NRXN3: variants seen among roughly 807,000 people sequenced by gnomAD.
NRXN3 encodes the protein neurexin III.
NRXN3 carries 32 observed loss-of-function variants against 137.6 expected under a neutral mutation model. The observed-to-expected ratio is 0.23, with a 90% CI of 0.18 to 0.31. The LOEUF (loss-of-function observed/expected upper bound fraction) is 0.31. NRXN3 is among the 10% of genes least tolerant of loss of function. The pLI, the probability that NRXN3 is intolerant of heterozygous loss-of-function variation, is 1.00. For missense variants in NRXN3, 1,574 were observed against 2,062.5 expected (o/e 0.76, Z 4.59); for synonymous variants, 798 against 784.5 (o/e 1.02, Z -0.29).
At chr14:79,662,376 A>G (rs1172363850) in intron 16 of NRXN3, among the ~76,000 whole-genome samples, 1 of 152,180 alleles carries the variant, frequency 6.6e-6, no homozygotes, top group Non-Finnish European at 1.5e-5. Context: ...ATATTTGAAT[A>G]GTAAGGTTAC....
At chr14:79,399,585 AAAT>A (rs1251016254) in intron 15 of NRXN3, among the ~76,000 whole-genome samples, 1 of 152,156 alleles carries the variant, frequency 6.6e-6, no homozygotes, top group African/African-American at 2.4e-5. Context: ...TGAGGAGAAA[AAAT>A]AATAATATAA....
At position 78,968,397 on chromosome 14, in the gene NRXN3, G is replaced by A. The variant is rs767204234; in HGVS notation, c.3142+51G>A. 25 of 1,564,776 alleles carry A rather than the reference G, an allele frequency of 1.6e-5. No homozygotes were observed. The East Asian group carries it at 5.4e-4, about 34-fold the overall frequency. On this transcript the variant is annotated intron_variant, in intron 14 of 20. Transcript: ENST00000335750. ...GCTACAGCCTTGTTGCAAGCACCAAGCCTCTTTGCTGCCTCTGCCACTGCC... is the reference window on the plus strand; with the variant it reads ...GCTACAGCCTTGTTGCAAGCACCAAACCTCTTTGCTGCCTCTGCCACTGCC...
chr14:79,647,665 T>G (rs2153967604), intron 16 of NRXN3, among the ~76,000 whole-genome samples: 1 of 135,908 alleles, frequency 7.4e-6, no homozygotes, highest in Non-Finnish European at 1.7e-5. Flanking sequence ...CCCATCTCTC[T>G]GAAGCAGCAG....
intron 15 of NRXN3, among the ~76,000 whole-genome samples, chr14:79,261,887 AG>A (rs1272639629): frequency 6.6e-6 from 1 of 152,032 alleles, no homozygotes; most frequent in Non-Finnish European, 1.5e-5. Flanking sequence ...CTAGTGGGCA[AG>A]GAGATTTTTC....
intron 8 of NRXN3, among the ~76,000 whole-genome samples, chr14:78,778,690 CTT>C (rs1388452611): frequency 7.5e-6 from 1 of 133,590 alleles, no homozygotes; most frequent in Non-Finnish European, 1.6e-5. Flanking sequence ...TTCTTTCTTT[CTT>C]TCTTTCTTTC....
chr14:79,724,686 A>G (rs939455149), intron 19 of NRXN3, among the ~76,000 whole-genome samples: 23 of 152,172 alleles, frequency 1.5e-4, no homozygotes, highest in African/African-American at 5.3e-4. Context: ...ATTTTGGAGA[A>G]AAACAACCAA....
chr14:79,771,264 A>G (rs1291865175), intron 19 of NRXN3, among the ~76,000 whole-genome samples: 1 of 152,212 alleles, frequency 6.6e-6, no homozygotes, highest in Non-Finnish European at 1.5e-5. Flanking sequence ...AATCCTCCCT[A>G]ACTCATTATA....
chr14:79,184,945 CAT>C (rs1004449903), intron 15 of NRXN3, among the ~76,000 whole-genome samples: 5 of 152,050 alleles, frequency 3.3e-5, no homozygotes, highest in Non-Finnish European at 7.3e-5. Flanking sequence ...TTTTTGATAT[CAT>C]GTGGCATTTG....
intron 15 of NRXN3, among the ~76,000 whole-genome samples, chr14:79,421,202 C>G (rs2095571037): frequency 6.6e-6 from 1 of 152,148 alleles, no homozygotes; most frequent in African/African-American, 2.4e-5. Flanking sequence ...TTCAATTTCT[C>G]TCAGGCCAGC....
At chr14:78,941,659 C>T (rs1387025197) in intron 10 of NRXN3, among the ~76,000 whole-genome samples, 1 of 152,174 alleles carries the variant, frequency 6.6e-6, no homozygotes, top group Non-Finnish European at 1.5e-5. Context: ...TAGCTATTTA[C>T]CCTTGGCTGA....
intron 15 of NRXN3, among the ~76,000 whole-genome samples, chr14:79,108,077 T>C (rs888837264): frequency 6.6e-6 from 1 of 152,148 alleles, no homozygotes; most frequent in African/African-American, 2.4e-5. Context: ...GAAGGAGTAG[T>C]AGCTACGTGT....
At chr14:79,297,875 C>T (rs2084455624) in intron 15 of NRXN3, among the ~76,000 whole-genome samples, 1 of 152,032 alleles carries the variant, frequency 6.6e-6, no homozygotes, top group African/African-American at 2.4e-5. Context: ...TAATGCCTCT[C>T]ATTTATATAG....
At chr14:79,621,857 G>A (rs143753364) in intron 16 of NRXN3, among the ~76,000 whole-genome samples, 1 of 152,246 alleles carries the variant, frequency 6.6e-6, no homozygotes, top group East Asian at 1.9e-4. Context: ...TTCACAGTTG[G>A]CTAAATCCAG....
intron 19 of NRXN3, among the ~76,000 whole-genome samples, chr14:79,766,362 G>A (rs1018728522): frequency 1.3e-5 from 2 of 152,118 alleles, no homozygotes; most frequent in Non-Finnish European, 2.9e-5. Context: ...CATGCCAAAG[G>A]TTGTCCGCAT....
chr14:78,433,123 A>G (rs769731718), intron 4 of NRXN3, among the ~76,000 whole-genome samples: 11 of 152,110 alleles, frequency 7.2e-5, no homozygotes, highest in Non-Finnish European at 1.6e-4. Context: ...AAGAACCCCT[A>G]TCCAAGCTCA....
chr14:78,368,015 G>A (rs975489996), intron 4 of NRXN3, among the ~76,000 whole-genome samples: 1 of 152,174 alleles, frequency 6.6e-6, no homozygotes. Context: ...TATGCTAATT[G>A]AAAGCTGCTC....
At chr14:78,761,932 T>C (rs1484989612) in intron 8 of NRXN3, among the ~76,000 whole-genome samples, 1 of 152,220 alleles carries the variant, frequency 6.6e-6, no homozygotes, top group African/African-American at 2.4e-5. Context: ...TGTCTCATTG[T>C]AATTCTCATA....
chr14:79,444,390 T>C (rs1375180652), intron 15 of NRXN3, among the ~76,000 whole-genome samples: 1 of 152,224 alleles, frequency 6.6e-6, no homozygotes, highest in Non-Finnish European at 1.5e-5. Flanking sequence ...GAACTAATAA[T>C]AGTTATACGA....
intron 7 of NRXN3, among the ~76,000 whole-genome samples, chr14:78,713,947 A>G (rs1008659961): frequency 6.6e-6 from 1 of 152,228 alleles, no homozygotes; most frequent in Non-Finnish European, 1.5e-5. Flanking sequence ...GCCAAACCAT[A>G]TCATTTATTT....
Sources: gnomAD v4.1 joint callset for allele counts (sites outside exome capture counted in the v4.1 genomes callset) on GRCh38, gnomAD v4.1.1 for gene constraint, MANE v1.5 for transcripts, NCBI Gene and HGNC (gene_info 2026-07-23, HGNC 2026-07-21) for gene names.